The following POFUT3 variants were observed in gnomAD, a reference collection of about 807,000 sequenced individuals.
POFUT3 encodes the protein GDP-fucose protein O-fucosyltransferase 3.
chr8:33,387,453 T>A, the POFUT3 span, among the ~76,000 whole-genome samples: 19 of 152,148 alleles, frequency 1.2e-4, no homozygotes, highest in Non-Finnish European at 2.8e-4. Flanking sequence ...GACCTAAAAT[T>A]CATATAATAA....
the POFUT3 span, among the ~76,000 whole-genome samples, chr8:33,309,251 C>T: frequency 2.9e-5 from 4 of 136,508 alleles, no homozygotes; most frequent in African/African-American, 5.4e-5. Flanking sequence ...TTGCTTATTA[C>T]ATCAATCTGC....
chr8:33,425,178 A>T, the POFUT3 span, among the ~76,000 whole-genome samples: 2 of 151,926 alleles, frequency 1.3e-5, no homozygotes, highest in Non-Finnish European at 2.9e-5. Flanking sequence ...CCTACAAAAA[A>T]ATTTTTTAAT....
At chr8:33,417,013 C>A in the POFUT3 span, among the ~76,000 whole-genome samples, 1 of 152,140 alleles carries the variant, frequency 6.6e-6, no homozygotes, top group Non-Finnish European at 1.5e-5. Flanking sequence ...CCCAGACAGA[C>A]AATAGGAGGT....
chr8:33,314,699 G>T, the POFUT3 span, among the ~76,000 whole-genome samples: 1 of 152,244 alleles, frequency 6.6e-6, no homozygotes, highest in South Asian at 2.1e-4. Flanking sequence ...CAGATTACTT[G>T]CTCTCTGTTT....
At chr8:33,442,013 G>A in the POFUT3 span, among the ~76,000 whole-genome samples, 1 of 151,998 alleles carries the variant, frequency 6.6e-6, no homozygotes, top group South Asian at 2.1e-4. Context: ...GCAGTGGCAC[G>A]ATCTTGGCTC....
chr8:33,314,133 T>C, the POFUT3 span, among the ~76,000 whole-genome samples: 5 of 152,138 alleles, frequency 3.3e-5, no homozygotes, highest in Admixed American at 3.3e-4. Context: ...CTGCTAATGT[T>C]TAAAAAGAAA....
chr8:33,436,597 TTAA>T, the POFUT3 span: 5 of 901,566 alleles, frequency 5.5e-6, no homozygotes, highest in East Asian at 1.0e-4. Flanking sequence ...GCCATAATTC[TTAA>T]TGATGCCACA....
At chr8:33,318,804 TTA>T in the POFUT3 span, among the ~76,000 whole-genome samples, 1 of 41,976 alleles carries the variant, frequency 2.4e-5, no homozygotes, top group Non-Finnish European at 3.3e-5. Flanking sequence ...TATATATATT[TTA>T]TATATATTAT....
the POFUT3 span, among the ~76,000 whole-genome samples, chr8:33,414,496 A>G: frequency 6.6e-6 from 1 of 152,318 alleles, no homozygotes; most frequent in South Asian, 2.1e-4. Flanking sequence ...TATCTATTAT[A>G]GCAGCCCAAA....
chr8:33,416,088 C>T, the POFUT3 span, among the ~76,000 whole-genome samples: 3 of 151,962 alleles, frequency 2.0e-5, no homozygotes, highest in Admixed American at 6.6e-5. Context: ...TTATTGCATC[C>T]AGAAAACAAA....
chr8:33,449,350 C>T, the POFUT3 span, among the ~76,000 whole-genome samples: 2 of 131,636 alleles, frequency 1.5e-5, no homozygotes, highest in South Asian at 2.7e-4. Context: ...AGTGCAATGA[C>T]ACGATCTTGG....
At chr8:33,407,276 T>C in the POFUT3 span, among the ~76,000 whole-genome samples, 1 of 152,170 alleles carries the variant, frequency 6.6e-6, no homozygotes, top group East Asian at 1.9e-4. Context: ...TTAGGACACA[T>C]CGTCTGAGAG....
the POFUT3 span, among the ~76,000 whole-genome samples, chr8:33,449,230 C>G: frequency 6.9e-6 from 1 of 145,250 alleles, no homozygotes; most frequent in Non-Finnish European, 1.5e-5. Flanking sequence ...AGGGCTTTAT[C>G]TGATGGAGAG....
the POFUT3 span, among the ~76,000 whole-genome samples, chr8:33,331,543 C>T: frequency 1.3e-5 from 2 of 151,858 alleles, no homozygotes; most frequent in East Asian, 2.0e-4. Flanking sequence ...CAAGTATTAC[C>T]GGGGGCAGTG....
At chr8:33,335,989 T>A in the POFUT3 span, among the ~76,000 whole-genome samples, 2 of 152,052 alleles carry the variant, frequency 1.3e-5, no homozygotes, top group African/African-American at 2.4e-5. Flanking sequence ...TTTTTTTTAA[T>A]CCACGTATAA....
the POFUT3 span, among the ~76,000 whole-genome samples, chr8:33,373,180 T>G: frequency 6.6e-6 from 1 of 152,132 alleles, no homozygotes; most frequent in Admixed American, 6.6e-5. Flanking sequence ...GCAAATATTT[T>G]AAGATGTTTA....
the POFUT3 span, among the ~76,000 whole-genome samples, chr8:33,370,236 T>C: frequency 1.5e-5 from 2 of 131,284 alleles, no homozygotes; most frequent in Non-Finnish European, 3.2e-5. Context: ...GTGCCTGTAA[T>C]CCCAGCTACT....
chr8:33,407,237 A>G, the POFUT3 span, among the ~76,000 whole-genome samples: 1 of 152,190 alleles, frequency 6.6e-6, no homozygotes, highest in East Asian at 1.9e-4. Flanking sequence ...ACATCCAGCT[A>G]ATGAATTATT....
At chr8:33,351,286 C>T in the POFUT3 span, among the ~76,000 whole-genome samples, 3 of 152,124 alleles carry the variant, frequency 2.0e-5, no homozygotes, top group South Asian at 2.1e-4. Context: ...GTTTTAAAGT[C>T]ATAAGTGTAC....
Sources: allele counts gnomAD v4.1 joint callset (sites outside exome capture counted in the v4.1 genomes callset), GRCh38; gene constraint gnomAD v4.1.1; transcripts MANE v1.5; gene names NCBI Gene and HGNC (gene_info 2026-07-23, HGNC 2026-07-21).